Variants in PRKN observed in about 807,000 individuals in gnomAD.
The protein encoded by PRKN is E3 ubiquitin-protein ligase parkin.
Under a neutral mutation model 59.5 loss-of-function variants are expected in PRKN, and 56 were observed. The ratio of observed to expected loss-of-function variants is 0.94; its 90% CI spans 0.76 to 1.18. The LOEUF is 1.18. Among genes scored for constraint, PRKN ranks in the 50% most tolerant of loss-of-function variants. The pLI, the probability that PRKN is intolerant of heterozygous loss-of-function variation, is 0.00. For synonymous variants in PRKN, 250 were observed against 222.1 expected (o/e 1.13, Z -1.12); for missense variants, 657 against 596.4 (o/e 1.10, Z -1.06).
At chr6:161,381,123 G>C (rs1213829810) in intron 10 of PRKN, among the ~76,000 whole-genome samples, 1 of 152,210 alleles carries the variant, frequency 6.6e-6, no homozygotes, top group Non-Finnish European at 1.5e-5. Context: ...CCATGAAGCA[G>C]GCTTCAACTC....
chr6:162,389,151 G>A lies in PRKN; in HGVS notation c.171+54159C>T, dbSNP rs563576832. Among the ~76,000 whole-genome samples, 246 of 152,020 alleles carry A rather than the reference G, an allele frequency of 1.6e-3. 1 individual carries two copies. Among genetic ancestry groups the A allele is most frequent in the African/African-American group, 5.7e-3 (238 of 41,472 alleles). ...GTCCTGCCAAAGTGCAGGCTAGTTT[G>A]TGTTCTCCAAATGCCTCCTAGCTCA... On this transcript the variant is annotated intron_variant, in intron 2 of 11. Coordinates refer to ENST00000366898, the MANE Select transcript of PRKN (RefSeq NM_004562.3).
At chr6:162,620,785 A>G (rs1782632511) in intron 1 of PRKN, among the ~76,000 whole-genome samples, 1 of 152,148 alleles carries the variant, frequency 6.6e-6, no homozygotes, top group Non-Finnish European at 1.5e-5. Context: ...AACTCCTGGC[A>G]TTAAGCAATC....
At chr6:162,219,564 T>C (rs1197720917) in intron 3 of PRKN, among the ~76,000 whole-genome samples, 1 of 148,144 alleles carries the variant, frequency 6.8e-6, no homozygotes, top group Non-Finnish European at 1.5e-5. Flanking sequence ...AGTTTTAAAA[T>C]AAAGATGAAA....
intron 2 of PRKN, among the ~76,000 whole-genome samples, chr6:162,376,326 G>C (rs975752476): frequency 2.0e-5 from 3 of 152,088 alleles, no homozygotes; most frequent in African/African-American, 7.2e-5. Context: ...GAAGAAAAAA[G>C]AACACTAGAG....
At chr6:162,159,161 CTATT>C (rs1782652881) in intron 4 of PRKN, among the ~76,000 whole-genome samples, 1 of 150,846 alleles carries the variant, frequency 6.6e-6, no homozygotes, top group South Asian at 2.1e-4. Context: ...CTATCTCTAT[CTATT>C]AAATTCTGCC....
intron 6 of PRKN, among the ~76,000 whole-genome samples, chr6:161,806,277 G>A (rs971571364): frequency 1.3e-5 from 2 of 152,100 alleles, no homozygotes; most frequent in Non-Finnish European, 1.5e-5. Context: ...AGAGGCCACC[G>A]CTCCTGGAAC....
At chr6:162,616,274 C>T (rs755768574) in intron 1 of PRKN, among the ~76,000 whole-genome samples, 5 of 152,036 alleles carry the variant, frequency 3.3e-5, no homozygotes, top group Non-Finnish European at 4.4e-5. Flanking sequence ...ATAGTAAGCC[C>T]GCTGGGGACA....
Position 162,725,264 on chromosome 6 carries a change from A to C in PRKN, c.7+2398T>G, listed in dbSNP as rs192659669. Among the ~76,000 whole-genome samples, 102 of 152,370 alleles carry C rather than the reference A, an allele frequency of 6.7e-4. No homozygotes were observed. In the East Asian group the frequency reaches 9.8e-3, roughly 15 times the overall value. ...TTTGAGAAGCACTCTTACCTTTAAC[A>C]GAAAATCCCAGATACATACTATTTA... is the stretch of plus-strand genomic sequence containing the variant. On this transcript the variant is annotated intron_variant, in intron 1 of 11. Coordinates refer to ENST00000366898, the MANE Select transcript of PRKN (RefSeq NM_004562.3).
At chr6:162,456,087 T>C (rs1281023163) in intron 1 of PRKN, among the ~76,000 whole-genome samples, 1 of 152,164 alleles carries the variant, frequency 6.6e-6, no homozygotes, top group Non-Finnish European at 1.5e-5. Flanking sequence ...ATGACAAATA[T>C]TACTAATAAA....
chr6:162,571,672 A>G (rs4709641), intron 1 of PRKN, among the ~76,000 whole-genome samples: 27,999 of 151,970 alleles, frequency 0.18, 3,225 homozygotes, highest in East Asian at 0.49. Flanking sequence ...TACCCGTGGG[A>G]TGTCCAAGTT....
At position 161,378,640 on chromosome 6, in the gene PRKN, T is replaced by C. The variant is rs182262395; in HGVS notation, c.1167+8154A>G. On this transcript the variant is annotated intron_variant, in intron 10 of 11. Transcript: ENST00000366898. The surrounding 1 kb of genome is among the most constrained non-coding windows in gnomAD (Gnocchi z 7.3). ...TGGCACTGCATTGTGTCCCAGTGGG[T>C]GCATACCCATGGGAACACTGGTCCT... Among the ~76,000 whole-genome samples, 9 of 152,236 alleles carry C rather than the reference T, an allele frequency of 5.9e-5. No homozygotes were observed. The highest frequency in any genetic ancestry group is 5.2e-4 in the Admixed American group (8 of 15,300).
intron 1 of PRKN, among the ~76,000 whole-genome samples, chr6:162,499,560 A>T (rs1474068391): frequency 6.6e-6 from 1 of 152,220 alleles, no homozygotes; most frequent in Non-Finnish European, 1.5e-5. Flanking sequence ...GGCAACTATG[A>T]CAAAGAGAAC....
At chr6:162,065,489 C>A (rs971065939) in intron 4 of PRKN, among the ~76,000 whole-genome samples, 1 of 152,058 alleles carries the variant, frequency 6.6e-6, no homozygotes, top group African/African-American at 2.4e-5. Context: ...AGTCCACTGA[C>A]TCGAATTTCA....
intron 6 of PRKN, among the ~76,000 whole-genome samples, chr6:161,967,255 G>A (rs1780617191): frequency 6.7e-6 from 1 of 149,192 alleles, no homozygotes; most frequent in Admixed American, 6.8e-5. Flanking sequence ...CGGCCTACAT[G>A]TTACAACATA....
intron 2 of PRKN, among the ~76,000 whole-genome samples, chr6:162,419,448 T>C (rs1788837330): frequency 6.6e-6 from 1 of 152,110 alleles, no homozygotes; most frequent in Non-Finnish European, 1.5e-5. Context: ...ATGAGGTGTA[T>C]AAATAAATAA....
chr6:162,367,720 G>A (rs1785526227), intron 2 of PRKN, among the ~76,000 whole-genome samples: 2 of 152,038 alleles, frequency 1.3e-5, no homozygotes, highest in Non-Finnish European at 2.9e-5. Flanking sequence ...CTTCTTAAGA[G>A]TGCACTGAAT....
chr6:162,414,368 C>G (rs1328043158), intron 2 of PRKN, among the ~76,000 whole-genome samples: 1 of 151,934 alleles, frequency 6.6e-6, no homozygotes, highest in Admixed American at 6.6e-5. Flanking sequence ...GCTGTTAGGA[C>G]AAGGCATCAT....
At chr6:161,612,855 G>A (rs912809140) in intron 7 of PRKN, among the ~76,000 whole-genome samples, 1 of 152,012 alleles carries the variant, frequency 6.6e-6, no homozygotes, top group South Asian at 2.1e-4. Flanking sequence ...CCACTGTTGA[G>A]ACCTACTGCT....
At chr6:162,074,283 A>G (rs10806755) in intron 4 of PRKN, among the ~76,000 whole-genome samples, 89,832 of 112,982 alleles carry the variant, frequency 0.8, 36,140 homozygotes, top group Admixed American at 0.84. Context: ...CATATACACC[A>G]TGGAATACTA....
Sources: allele counts gnomAD v4.1 joint callset (sites outside exome capture counted in the v4.1 genomes callset), GRCh38; gene constraint gnomAD v4.1.1; non-coding constraint Gnocchi (gnomAD v3.1); transcripts MANE v1.5; gene names NCBI Gene and HGNC (gene_info 2026-07-23, HGNC 2026-07-21).